The following ENPP1 variants were observed in gnomAD, a reference collection of about 807,000 sequenced individuals.
The protein encoded by ENPP1 is ectonucleotide pyrophosphatase/phosphodiesterase family member 1.
A neutral mutation model predicts 122.8 loss-of-function variants in ENPP1; 73 were observed. The observed-to-expected ratio is 0.59, with a 90% confidence interval of 0.49 to 0.72. The LOEUF is 0.72. ENPP1 is among the 30% of genes least tolerant of loss of function. The pLI is 0.00. For synonymous variants in ENPP1, 367 were observed against 391.6 expected (o/e 0.94, Z 0.74); for missense variants, 978 against 1,128.1 (o/e 0.87, Z 1.91).
chr6:131,826,697 A>G (rs1341916969), intron 1 of ENPP1: 3 of 615,430 alleles, frequency 4.9e-6, no homozygotes, highest in South Asian at 3.7e-5. Context: ...TCAAGGGACA[A>G]TTCTTCAGTG....
chr6:131,827,353 T>G, intron 1 of ENPP1: 2 of 1,083,268 alleles, frequency 1.8e-6, no homozygotes, highest in Non-Finnish European at 2.9e-6. Context: ...GGGATGTCAC[T>G]ATAGTTGCTT....
chr6:131,842,342 C>T (rs1019050671), intron 1 of ENPP1, among the ~76,000 whole-genome samples: 10 of 152,130 alleles, frequency 6.6e-5, no homozygotes, highest in African/African-American at 2.4e-4. Context: ...AGCACCATGG[C>T]GTATATATGG....
At chr6:131,870,226 G>GGCA (rs1355454001) in intron 13 of ENPP1, among the ~76,000 whole-genome samples, 1 of 152,136 alleles carries the variant, frequency 6.6e-6, no homozygotes, top group African/African-American at 2.4e-5. Context: ...GAGGAGTGCT[G>GGCA]GCAGAAATGA....
chr6:131,813,468 T>G (rs1301195380), intron 1 of ENPP1, among the ~76,000 whole-genome samples: 1 of 151,608 alleles, frequency 6.6e-6, no homozygotes, highest in Non-Finnish European at 1.5e-5. Context: ...AGGCGGAGGT[T>G]GCAGTGAGCC....
In ENPP1 at chr6:131,861,560, A is replaced by G. The variant is rs192923864; in HGVS notation, c.916-35A>G. 1.3e-4 allele frequency: 166 copies of G among 1,284,324 alleles called. 2 individuals carry two copies. Among genetic ancestry groups the G allele is most frequent in the Middle Eastern group, 1.8e-4 (1 of 5,480 alleles). 79.6% of individuals were successfully genotyped at this position (1,284,324 alleles called of 1,614,324 possible). On this transcript the variant is annotated intron_variant, in intron 8 of 24. Transcript: ENST00000647893. Reference sequence around the variant, plus strand: ...ACTTTCCTAAGAGATGAATGTTTGCATGATTTCTTAATTTTCCTTCATTTT... The same window carrying G: ...ACTTTCCTAAGAGATGAATGTTTGCGTGATTTCTTAATTTTCCTTCATTTT...
intron 1 of ENPP1, chr6:131,826,760 G>A (rs1181165025): frequency 2.1e-6 from 1 of 471,300 alleles, no homozygotes; most frequent in African/African-American, 2.0e-5. Flanking sequence ...TACTCTGCAA[G>A]TAGAGGGTCC....
rs1411295474 is a variant in ENPP1 at position 131,892,376 on chromosome 6, A to G, written c.*1865A>G. The G allele has an allele frequency of 6.6e-6, 1 of 152,110 alleles. No individual in the cohort carries two copies. The highest frequency in any genetic ancestry group is 2.4e-5 in the African/African-American group (1 of 41,416). 9.4% of individuals were successfully genotyped at this position (152,110 alleles called of 1,614,324 possible). On this transcript the variant is annotated 3_prime_UTR_variant, in exon 25 of 25. Transcript: ENST00000647893. ...GGTTCCCCAGTCAGCCTCCCTTTAT[A>G]CTGAGTAACAGGGTCCCCTCATTAC...
intron 1 of ENPP1, chr6:131,826,245 C>G (rs1335421259): frequency 1.0e-6 from 1 of 980,362 alleles, no homozygotes; most frequent in Non-Finnish European, 1.7e-6. Context: ...CATCTGGTAG[C>G]ATCTCACTGT....
At chr6:131,852,971 G>A (rs1310184367) in intron 5 of ENPP1, among the ~76,000 whole-genome samples, 1 of 152,098 alleles carries the variant, frequency 6.6e-6, no homozygotes, top group Admixed American at 6.5e-5. Context: ...TTTAAAGGGT[G>A]AAGATTTTAT....
intron 18 of ENPP1, chr6:131,877,866 A>AATATATATATATATATATAT (rs35142604): frequency 7.5e-5 from 4 of 53,020 alleles, no homozygotes; most frequent in African/African-American, 9.3e-5. Context: ...AAAAAAAAAA[A>AATATATATATATATATATAT]ATATATATAT....
At chr6:131,815,546 C>T (rs78108963) in intron 1 of ENPP1, among the ~76,000 whole-genome samples, 1,865 of 152,264 alleles carry the variant, frequency 0.012, 53 homozygotes, top group African/African-American at 0.042. Flanking sequence ...TAACTTTGGA[C>T]ACTCAGTTTT....
chr6:131,865,341 G>A (rs1376902334), intron 11 of ENPP1, among the ~76,000 whole-genome samples: 3 of 152,174 alleles, frequency 2.0e-5, no homozygotes, highest in African/African-American at 4.8e-5. Flanking sequence ...TAGGAGATAG[G>A]TCTTTGGCCA....
chr6:131,822,112 AC>A (rs900227263), intron 1 of ENPP1, among the ~76,000 whole-genome samples: 4 of 152,168 alleles, frequency 2.6e-5, no homozygotes, highest in African/African-American at 9.7e-5. Context: ...GCAGGAAACA[AC>A]TCTACTTGGA....
chr6:131,851,768 AT>A (rs980036275), intron 4 of ENPP1, among the ~76,000 whole-genome samples: 26 of 150,974 alleles, frequency 1.7e-4, no homozygotes, highest in African/African-American at 5.9e-4. Flanking sequence ...TATTATTATT[AT>A]TTTTTTTTCA....
chr6:131,819,236 A>G lies in ENPP1; in HGVS notation c.240+10961A>G, dbSNP rs531227864. 2.0e-4 allele frequency among the ~76,000 whole-genome samples: 30 copies of G among 152,378 alleles called. No homozygotes were observed. The East Asian group carries it at 5.0e-3, about 25-fold the overall frequency. ...TTCAAAGTGCAAGATAGACTAATGG[A>G]TTTTAATGTAACAGTATGTAAAGTT... On this transcript the variant is annotated intron_variant, in intron 1 of 24. Transcript: ENST00000647893.
At chr6:131,842,596 T>C (rs1781756037) in intron 1 of ENPP1, among the ~76,000 whole-genome samples, 1 of 152,218 alleles carries the variant, frequency 6.6e-6, no homozygotes, top group Non-Finnish European at 1.5e-5. Flanking sequence ...AATCTCTCTT[T>C]GTAAAGCCTT....
intron 1 of ENPP1, among the ~76,000 whole-genome samples, chr6:131,837,537 A>C (rs544610691): frequency 1.6e-4 from 24 of 151,262 alleles, no homozygotes; most frequent in Non-Finnish European, 2.2e-4. Flanking sequence ...AAAAAAAAAA[A>C]AAAAAACCCA....
In ENPP1 at chr6:131,891,615, G is replaced by T. The variant is rs1585849822; in HGVS notation, c.*1104G>T. The T allele has an allele frequency of 6.6e-6, 1 of 152,092 alleles. No individual in the cohort carries two copies. The highest frequency in any genetic ancestry group is 6.5e-5 in the Admixed American group (1 of 15,268). 9.4% of individuals were successfully genotyped at this position (152,092 alleles called of 1,614,324 possible). A position where few individuals can be genotyped will look rare whatever the true frequency, so the allele number is the denominator to read the frequency against. On this transcript the variant is annotated 3_prime_UTR_variant, in exon 25 of 25. Transcript: ENST00000647893. ...TTTAGGCTACATAGGTCCAATTGAG[G>T]TATAATATCAGTACACCAAAGATTT...
Position 131,851,189 on chromosome 6 carries a change from A to T in ENPP1, c.478A>T (p.Thr160Ser), listed in dbSNP as rs767150140. ...NKFRCGEKRL[T>S]RSLCACSDDC... ...ATTCAGGTGTGGTGAGAAAAGGTTGACCAGAAGCCTCTGTGCCTGTTCAGA... is the reference window on the plus strand; with the variant it reads ...ATTCAGGTGTGGTGAGAAAAGGTTGTCCAGAAGCCTCTGTGCCTGTTCAGA... Residue 160 changes from threonine (T) to serine (S), a missense_variant, in exon 4 of 25, where the codon ACC (threonine) becomes TCC (serine). This residue lies in a region of ENPP1 where 330 missense variants were observed against 328.5 expected (regional missense o/e 1.00). Transcript: ENST00000647893. The T allele has an allele frequency of 1.9e-6, 3 of 1,613,996 alleles. No individual in the cohort carries two copies. In the South Asian group the frequency reaches 3.3e-5, roughly 18 times the overall value.
Sources: gnomAD v4.1 joint callset for allele counts (sites outside exome capture counted in the v4.1 genomes callset) on GRCh38, gnomAD v4.1.1 for gene constraint, gnomAD v4.1.1 regional missense constraint, MANE v1.5 for transcripts, NCBI Gene and HGNC (gene_info 2026-07-23, HGNC 2026-07-21) for gene names.